The following DPP6 variants were observed in gnomAD, a reference collection of about 807,000 sequenced individuals.
DPP6 encodes dipeptidyl peptidase like 6.
A neutral mutation model predicts 122.6 loss-of-function variants in DPP6; 69 were observed. The ratio of observed to expected loss-of-function variants is 0.56; its 90% CI spans 0.46 to 0.69. The LOEUF (loss-of-function observed/expected upper bound fraction) is 0.69. DPP6 is among the 30% of genes least tolerant of loss of function. DPP6 has a pLI of 0.00. For missense variants in DPP6, 928 were observed against 1,116.9 expected, an observed-to-expected ratio of 0.83 and a Z score of 2.41; for synonymous variants, 418 against 433.1, an observed-to-expected ratio of 0.97 and a Z score of 0.43.
chr7:153,913,138 G>A (rs559787545), intron 1 of DPP6, among the ~76,000 whole-genome samples: 8 of 152,246 alleles, frequency 5.3e-5, no homozygotes, highest in East Asian at 1.9e-4. Flanking sequence ...GCGGTGGCAC[G>A]ATCTCAACTC....
At position 154,060,342 on chromosome 7, in the gene DPP6, C is replaced by T. The variant is rs1301009130; in HGVS notation, c.243+7279C>T. 9.8e-4 allele frequency among the ~76,000 whole-genome samples: 131 copies of T among 133,982 alleles called. 4 individuals are homozygous for T. The highest frequency in any genetic ancestry group is 3.3e-3 in the African/African-American group (121 of 36,900). 87.9% of individuals were successfully genotyped at this position (133,982 alleles called of 152,430 possible). On this transcript the variant is annotated intron_variant, in intron 1 of 25. Coordinates refer to ENST00000377770, the MANE Select transcript of DPP6 (RefSeq NM_130797.4). ...CCCCATCGCAGGAGGGGGAGGCACC[C>T]CCCGCGAGGCAGGGACTGAGAGCCA...
At chr7:153,974,202 G>A (rs150319086) in intron 1 of DPP6, among the ~76,000 whole-genome samples, 21,973 of 152,006 alleles carry the variant, frequency 0.14, 1,742 homozygotes, top group African/African-American at 0.2. Context: ...TCCTTGATGG[G>A]GTGTTTCAGG....
At chr7:153,831,036 T>G in the DPP6 span, among the ~76,000 whole-genome samples, 1 of 152,214 alleles carries the variant, frequency 6.6e-6, no homozygotes, top group African/African-American at 2.4e-5. Flanking sequence ...TAAATTAACT[T>G]ACACTAAAAA....
At chr7:153,975,180 C>T (rs1025169238) in intron 1 of DPP6, among the ~76,000 whole-genome samples, 1 of 151,434 alleles carries the variant, frequency 6.6e-6, no homozygotes, top group African/African-American at 2.4e-5. Flanking sequence ...GGGTGTATAG[C>T]CAAACAAAGA....
intron 7 of DPP6, among the ~76,000 whole-genome samples, chr7:154,675,768 G>C (rs554947723): frequency 6.6e-6 from 1 of 152,290 alleles, no homozygotes; most frequent in East Asian, 1.9e-4. Flanking sequence ...CCGTTGCCCT[G>C]CTCTGGCACG....
chr7:154,708,908 C>T (rs1840986589), intron 7 of DPP6, among the ~76,000 whole-genome samples: 1 of 151,998 alleles, frequency 6.6e-6, no homozygotes, highest in Admixed American at 6.6e-5. Context: ...ATCAGCTGGG[C>T]ATGGTGGCAC....
intron 7 of DPP6, among the ~76,000 whole-genome samples, chr7:154,687,608 A>G (rs563528515): frequency 2.6e-5 from 4 of 152,188 alleles, no homozygotes; most frequent in East Asian, 3.9e-4. Flanking sequence ...TTATTTGTCA[A>G]TTACATTATT....
rs762136704 is a variant in DPP6 at position 154,727,309 on chromosome 7, G to C, written c.763-458G>C. Among the ~76,000 whole-genome samples, 92 of 152,262 alleles carry C rather than the reference G, an allele frequency of 6.0e-4. 1 individual carries two copies. The highest frequency in any genetic ancestry group is 2.2e-3 in the African/African-American group (90 of 41,544). On this transcript the variant is annotated intron_variant, in intron 7 of 25. Transcript: ENST00000377770. ...CTGGAGGAGGAGGAAGAGAGCACAG[G>C]GGGAGGGCTACACACTTTTAAACAG...
At chr7:154,802,557 T>C (rs1798437438) in intron 13 of DPP6, among the ~76,000 whole-genome samples, 1 of 152,198 alleles carries the variant, frequency 6.6e-6, no homozygotes, top group Admixed American at 6.5e-5. Context: ...ACATCACTTA[T>C]ATCAAGATTT....
At chr7:154,257,216 T>C (rs567169049) in intron 1 of DPP6, among the ~76,000 whole-genome samples, 1 of 151,928 alleles carries the variant, frequency 6.6e-6, no homozygotes, top group East Asian at 1.9e-4. Flanking sequence ...CTCGTGCTCC[T>C]GCCCAAAAGG....
chr7:154,433,199 G>A (rs910202467), intron 1 of DPP6, among the ~76,000 whole-genome samples: 2 of 141,058 alleles, frequency 1.4e-5, no homozygotes, highest in Admixed American at 1.5e-4. Flanking sequence ...AGGCTGGAGT[G>A]CAGTGGCACA....
chr7:154,154,564 T>C (rs1796586624), intron 1 of DPP6, among the ~76,000 whole-genome samples: 1 of 152,228 alleles, frequency 6.6e-6, no homozygotes, highest in South Asian at 2.1e-4. Context: ...TGAAGCCTGT[T>C]CACAGTATTA....
At chr7:154,379,176 G>A (rs1167552563) in intron 1 of DPP6, among the ~76,000 whole-genome samples, 1 of 152,152 alleles carries the variant, frequency 6.6e-6, no homozygotes, top group African/African-American at 2.4e-5. Flanking sequence ...TCCAAGAGGT[G>A]CCTCCATAAA....
At chr7:154,485,809 A>G (rs1386101615) in intron 3 of DPP6, among the ~76,000 whole-genome samples, 1 of 151,796 alleles carries the variant, frequency 6.6e-6, no homozygotes, top group Non-Finnish European at 1.5e-5. Flanking sequence ...TTTTTTTATT[A>G]TACTTTAACT....
intron 1 of DPP6, among the ~76,000 whole-genome samples, chr7:154,308,461 G>C (rs1795837695): frequency 6.6e-6 from 1 of 152,112 alleles, no homozygotes; most frequent in Admixed American, 6.6e-5. Context: ...ATTTTTAAAT[G>C]AAGTATTGCA....
At chr7:154,611,263 A>C (rs1833893703) in intron 5 of DPP6, among the ~76,000 whole-genome samples, 2 of 152,168 alleles carry the variant, frequency 1.3e-5, no homozygotes, top group African/African-American at 4.8e-5. Context: ...AGTTCAGATA[A>C]ATGATGTTGC....
intron 1 of DPP6, among the ~76,000 whole-genome samples, chr7:154,386,586 A>G (rs1390243552): frequency 6.6e-6 from 1 of 152,134 alleles, no homozygotes; most frequent in Non-Finnish European, 1.5e-5. Context: ...AGCTCACTTC[A>G]TGAATATCAT....
At chr7:154,378,016 A>G (rs979555436) in intron 1 of DPP6, among the ~76,000 whole-genome samples, 1 of 152,166 alleles carries the variant, frequency 6.6e-6, no homozygotes, top group African/African-American at 2.4e-5. Context: ...TCTGGACATA[A>G]TAGAAGTGTG....
At chr7:153,793,517 T>C in the DPP6 span, among the ~76,000 whole-genome samples, 1 of 150,464 alleles carries the variant, frequency 6.6e-6, no homozygotes, top group Admixed American at 6.7e-5. Flanking sequence ...TTCAGTTTTA[T>C]AAGGGAAGCA....
Sources: allele counts gnomAD v4.1 joint callset (sites outside exome capture counted in the v4.1 genomes callset), GRCh38; gene constraint gnomAD v4.1.1; transcripts MANE v1.5; gene names NCBI Gene and HGNC (gene_info 2026-07-23, HGNC 2026-07-21).